PTPRT: variants seen among roughly 807,000 people sequenced by gnomAD.
The protein encoded by PTPRT is protein tyrosine phosphatase receptor type T.
Under a neutral mutation model 176.8 loss-of-function variants are expected in PTPRT, and 56 were observed. That is an observed-to-expected ratio of 0.32 (90% CI 0.26 to 0.40). The LOEUF is 0.40. Among genes scored for constraint, PTPRT ranks in the 10% least tolerant of loss-of-function variants. The pLI is 1.00. For synonymous variants in PTPRT, 783 were observed against 739.0 expected, an observed-to-expected ratio of 1.06 and a Z score of -0.96; for missense variants, 1,540 against 1,908.2, an observed-to-expected ratio of 0.81 and a Z score of 3.60.
At chr20:42,994,439 C>CT (rs568372142) in intron 1 of PTPRT, among the ~76,000 whole-genome samples, 40 of 147,096 alleles carry the variant, frequency 2.7e-4, no homozygotes, top group East Asian at 9.9e-4. Flanking sequence ...CCCATTAGGA[C>CT]TTTTTTTTTT....
At chr20:42,211,895 C>A (rs1315204052) in intron 15 of PTPRT, among the ~76,000 whole-genome samples, 1 of 151,354 alleles carries the variant, frequency 6.6e-6, no homozygotes, top group Admixed American at 6.6e-5. Flanking sequence ...TTGGAACCAA[C>A]CCAAATGTCC....
At chr20:42,952,670 C>T (rs563204656) in intron 1 of PTPRT, among the ~76,000 whole-genome samples, 1 of 152,292 alleles carries the variant, frequency 6.6e-6, no homozygotes, top group Non-Finnish European at 1.5e-5. Flanking sequence ...TGCTCTAGGT[C>T]GACTTCATCA....
At chr20:42,705,578 C>G (rs568557575) in intron 6 of PTPRT, among the ~76,000 whole-genome samples, 1 of 152,188 alleles carries the variant, frequency 6.6e-6, no homozygotes, top group South Asian at 2.1e-4. Context: ...GAGGACCTTA[C>G]AATAATAATA....
chr20:43,129,386 C>T (rs186070700), intron 1 of PTPRT, among the ~76,000 whole-genome samples: 4 of 152,322 alleles, frequency 2.6e-5, no homozygotes, highest in Non-Finnish European at 2.9e-5. Context: ...CCAGGGGCTG[C>T]ATCCGTGAAG....
chr20:43,145,771 G>A (rs1345709940), intron 1 of PTPRT, among the ~76,000 whole-genome samples: 2 of 152,244 alleles, frequency 1.3e-5, no homozygotes, highest in South Asian at 2.1e-4. Flanking sequence ...TTTCACAATC[G>A]TCCATTTTAC....
At chr20:42,147,386 C>A (rs1988917189) in intron 17 of PTPRT, among the ~76,000 whole-genome samples, 1 of 152,172 alleles carries the variant, frequency 6.6e-6, no homozygotes, top group Non-Finnish European at 1.5e-5. Context: ...TGGATAACCT[C>A]CATGACAGAT....
At chr20:42,844,904 C>A (rs1250505127) in intron 2 of PTPRT, among the ~76,000 whole-genome samples, 1 of 152,202 alleles carries the variant, frequency 6.6e-6, no homozygotes, top group Non-Finnish European at 1.5e-5. Flanking sequence ...CTATCCCACC[C>A]ACCTGTTCAG....
At chr20:42,923,955 G>A (rs1351061445) in intron 1 of PTPRT, among the ~76,000 whole-genome samples, 5 of 151,710 alleles carry the variant, frequency 3.3e-5, no homozygotes, top group Admixed American at 6.6e-5. Flanking sequence ...AACGATTCTC[G>A]TGCCTCAGCC....
intron 6 of PTPRT, among the ~76,000 whole-genome samples, chr20:42,682,875 G>A (rs1394252639): frequency 3.3e-5 from 5 of 152,192 alleles, no homozygotes; most frequent in Non-Finnish European, 4.4e-5. Context: ...ACTTGTAACA[G>A]TTTGACTCCC....
intron 15 of PTPRT, among the ~76,000 whole-genome samples, chr20:42,229,574 ATGTG>A (rs2056091961): frequency 3.9e-5 from 6 of 152,202 alleles, no homozygotes; most frequent in African/African-American, 1.4e-4. Flanking sequence ...GCAGCTGATG[ATGTG>A]AAAAGGCATT....
chr20:42,912,219 T>C (rs1479911152), intron 1 of PTPRT, among the ~76,000 whole-genome samples: 3 of 152,166 alleles, frequency 2.0e-5, no homozygotes, highest in Non-Finnish European at 4.4e-5. Flanking sequence ...GTACTAAGTA[T>C]CATCACTGTT....
chr20:42,746,693 A>T (rs1223640079), intron 6 of PTPRT, among the ~76,000 whole-genome samples: 1 of 152,158 alleles, frequency 6.6e-6, no homozygotes, highest in African/African-American at 2.4e-5. Context: ...AATAAGAACC[A>T]AAGCACCAGC....
intron 13 of PTPRT, among the ~76,000 whole-genome samples, chr20:42,275,507 T>C (rs1477763214): frequency 6.6e-6 from 1 of 152,156 alleles, no homozygotes; most frequent in Non-Finnish European, 1.5e-5. Context: ...GAGTTAATCC[T>C]CACTTGTTTT....
intron 6 of PTPRT, among the ~76,000 whole-genome samples, chr20:42,725,081 T>G (rs6030439): frequency 0.44 from 66,159 of 150,588 alleles, 15,326 homozygotes; most frequent in African/African-American, 0.56. Context: ...AGGCTGGAGT[T>G]CAATGGAATG....
intron 1 of PTPRT, among the ~76,000 whole-genome samples, chr20:43,175,259 C>T (rs1366529436): frequency 6.6e-6 from 1 of 152,230 alleles, no homozygotes; most frequent in African/African-American, 2.4e-5. Flanking sequence ...CACTCCTGTT[C>T]AAATGTCTCC....
chr20:42,881,163 AG>A (rs2079005188), intron 2 of PTPRT, among the ~76,000 whole-genome samples: 1 of 152,222 alleles, frequency 6.6e-6, no homozygotes, highest in Non-Finnish European at 1.5e-5. Context: ...CCCCTACTCC[AG>A]GCAGACAGTT....
At chr20:42,541,407 A>T (rs1404917322) in intron 7 of PTPRT, among the ~76,000 whole-genome samples, 1 of 152,134 alleles carries the variant, frequency 6.6e-6, no homozygotes, top group East Asian at 1.9e-4. Flanking sequence ...TACAGTCAAA[A>T]CTTAGAAGTA....
chr20:42,307,861 T>C (rs1340687337), intron 12 of PTPRT, among the ~76,000 whole-genome samples: 1 of 152,164 alleles, frequency 6.6e-6, no homozygotes, highest in Non-Finnish European at 1.5e-5. Context: ...GTCATGAAGA[T>C]GTTGTTGATG....
chr20:42,260,899 G>A (rs995308612), intron 13 of PTPRT, among the ~76,000 whole-genome samples: 10 of 152,182 alleles, frequency 6.6e-5, no homozygotes, highest in Admixed American at 1.3e-4. Flanking sequence ...CTGGGGAGAT[G>A]GGGTGAGCCA....
Sources: allele counts gnomAD v4.1 joint callset (sites outside exome capture counted in the v4.1 genomes callset), GRCh38; gene constraint gnomAD v4.1.1; transcripts MANE v1.5; gene names NCBI Gene and HGNC (gene_info 2026-07-23, HGNC 2026-07-21).